NUP205: variants seen among roughly 807,000 people sequenced by gnomAD.
The protein encoded by NUP205 is nucleoporin 205, also known as nuclear pore complex protein Nup205.
In NUP205, 76 loss-of-function variants were observed where a neutral mutation model predicts 253.8. The ratio of observed to expected loss-of-function variants is 0.30; its 90% CI spans 0.25 to 0.36. NUP205 has a LOEUF of 0.36. Ranked by LOEUF, NUP205 falls within the 10% of genes least tolerant of loss-of-function variation. NUP205 has a pLI of 1.00. For missense variants in NUP205, 2,162 were observed against 2,425.5 expected (o/e 0.89, Z 2.28); for synonymous variants, 832 against 850.1 (o/e 0.98, Z 0.37).
At position 135,604,379 on chromosome 7, in the gene NUP205, T is replaced by C. The variant is rs767630664; in HGVS notation, c.2742T>C (p.Phe914=). ...YHGNTNPELA[F]ESAKILCCIS... is the part of the protein sequence containing the mutation. The stretch of plus-strand genomic sequence containing the variant: ...GCAATACTAATCCAGAATTGGCTTT[T>C]GAAAGTGCCAAGATCCTCTGTTGTA... The change falls in exon 19 of 43, where the codon TTT becomes TTC. Residue 914 remains phenylalanine, a synonymous_variant. Transcript: ENST00000285968. The C allele has an allele frequency of 6.2e-6, 10 of 1,613,044 alleles. No individual in the cohort carries two copies. Among genetic ancestry groups the C allele is most frequent in the Non-Finnish European group, 8.5e-7 (1 of 1,179,576 alleles).
intron 3 of NUP205, 91 bp from the exon 4 acceptor site, chr7:135,576,179 C>T (rs991365238): frequency 8.8e-7 from 1 of 1,134,400 alleles, no homozygotes; most frequent in African/African-American, 1.5e-5. Context: ...TACTGTGATT[C>T]TTTGAACTGA....
chr7:135,620,475 C>T (rs1794451738), intron 30 of NUP205, among the ~76,000 whole-genome samples: 3 of 152,118 alleles, frequency 2.0e-5, no homozygotes, highest in Admixed American at 2.0e-4. Flanking sequence ...AGAGGTTTCC[C>T]AGATTGCGCC....
intron 15 of NUP205, among the ~76,000 whole-genome samples, chr7:135,599,563 C>G (rs373769715): frequency 6.6e-6 from 1 of 152,148 alleles, no homozygotes; most frequent in South Asian, 2.1e-4. Flanking sequence ...TCAAAATGTT[C>G]TGATACTTTT....
At chr7:135,596,566 A>G (rs1414071948) in intron 13 of NUP205, among the ~76,000 whole-genome samples, 1 of 152,170 alleles carries the variant, frequency 6.6e-6, no homozygotes, top group Non-Finnish European at 1.5e-5. Context: ...CAGTAGGATT[A>G]TTTATTATAC....
Position 135,629,469 on chromosome 7 carries a change from A to ATCTCTCTC in NUP205, c.4933-841_4933-834dup, listed in dbSNP as rs201403059. Among the ~76,000 whole-genome samples the ATCTCTCTC allele has an allele frequency of 3.1e-3, 374 of 119,756 alleles. 4 individuals are homozygous for ATCTCTCTC. Among genetic ancestry groups the ATCTCTCTC allele is most frequent in the Middle Eastern group, 8.2e-3 (2 of 244 alleles). 78.6% of individuals were successfully genotyped at this position (119,756 alleles called of 152,430 possible). ...AGCCTGGGCAACATAGTGAGACCCT[A>ATCTCTCTC]TCTCTCTCTCTCTCTCTCTCTCTCT... On this transcript the variant is annotated intron_variant, in intron 34 of 42. Transcript: ENST00000285968.
Position 135,604,225 on chromosome 7 carries a change from T to TA in NUP205, c.2703-114dup, listed in dbSNP as rs749177928. ...TAGAAGGGGACAGCTTTTTCTTATT[T>TA]ACCTTGAAGTGCTGTATGGGCAGGG... On this transcript the variant is annotated intron_variant, in intron 18 of 42. Coordinates refer to ENST00000285968, the MANE Select transcript of NUP205 (RefSeq NM_015135.3). 20 of 783,086 alleles carry TA rather than the reference T, an allele frequency of 2.6e-5. 1 individual carries two copies. The highest frequency in any genetic ancestry group is 2.6e-4 in the East Asian group (9 of 35,242). 48.5% of individuals were successfully genotyped at this position (783,086 alleles called of 1,614,324 possible).
intron 8 of NUP205, 35 bp downstream of exon 8, chr7:135,585,042 A>T (rs200323085): frequency 1.7e-6 from 2 of 1,151,924 alleles, no homozygotes; most frequent in Non-Finnish European, 1.2e-6. Context: ...TAAATAGTAG[A>T]AGAATTTTAT....
intron 5 of NUP205, 129 bp from the exon 6 acceptor site, chr7:135,577,667 C>T (rs1314258962): frequency 7.8e-6 from 5 of 643,964 alleles, no homozygotes; most frequent in East Asian, 5.5e-5. Context: ...CCAGAGGTGA[C>T]GTCTTAGGAT....
At chr7:135,624,860 C>A (rs112535648) in intron 31 of NUP205, among the ~76,000 whole-genome samples, 3 of 152,244 alleles carry the variant, frequency 2.0e-5, no homozygotes, top group South Asian at 2.1e-4. Context: ...AAAAAAATTT[C>A]TTTTCTCTAA....
rs1309389830 is a variant in NUP205, at chr7:135,619,554, C to G, written c.4095C>G (p.Ala1365=). The G allele has an allele frequency of 1.2e-6, 2 of 1,614,040 alleles. No homozygotes were observed. Among genetic ancestry groups the G allele is most frequent in the South Asian group, 2.2e-5 (2 of 91,078 alleles). Residue 1365 remains alanine, a synonymous_variant, in exon 29 of 43, where the codon GCC becomes GCG. Coordinates refer to ENST00000285968, the MANE Select transcript of NUP205 (RefSeq NM_015135.3). ...CATCAGTCTTGGGACCAGCAGAGGC[C>G]CATTACGCTTTTATGCTTGATAGTT... ...KETSVLGPAE[A]HYAFMLDSCF...
chr7:135,610,557 C>T (rs1298514163), intron 22 of NUP205, among the ~76,000 whole-genome samples: 2 of 151,270 alleles, frequency 1.3e-5, no homozygotes, highest in Non-Finnish European at 2.9e-5. Context: ...TCAAATATGG[C>T]CCAGGGACCA....
intron 33 of NUP205, among the ~76,000 whole-genome samples, chr7:135,626,716 T>A (rs187130361): frequency 8.5e-5 from 13 of 152,304 alleles, no homozygotes; most frequent in African/African-American, 2.4e-4. Flanking sequence ...ATATATATAT[T>A]TTTTCTGATT....
chr7:135,611,083 G>A (rs1007476236), intron 22 of NUP205, among the ~76,000 whole-genome samples: 1 of 149,956 alleles, frequency 6.7e-6, no homozygotes, highest in Non-Finnish European at 1.5e-5. Context: ...TCGGCTCACT[G>A]CAACCTCCAT....
At chr7:135,571,826 A>G (rs960215774) in intron 2 of NUP205, among the ~76,000 whole-genome samples, 2 of 152,194 alleles carry the variant, frequency 1.3e-5, no homozygotes, top group African/African-American at 4.8e-5. Context: ...TACGTAACAA[A>G]AACATGTCAC....
chr7:135,628,777 C>T (rs1477041657), intron 34 of NUP205, among the ~76,000 whole-genome samples: 1 of 152,156 alleles, frequency 6.6e-6, no homozygotes, highest in African/African-American at 2.4e-5. Context: ...ACTTTGATTT[C>T]TGGTAATTTT....
At position 135,601,418 on chromosome 7, in the gene NUP205, A is replaced by G. The variant is rs1793962651; in HGVS notation, c.2423A>G (p.His808Arg). 1.2e-6 allele frequency: 2 copies of G among 1,613,836 alleles called. No homozygotes were observed. Among genetic ancestry groups the G allele is most frequent in the African/African-American group, 1.3e-5 (1 of 75,048 alleles). ...YKPPGFSLMY[H>R]LLNESPMLEL... ...CCACCTGGATTTAGTCTGATGTATC[A>G]TCTGCTGAATGAGTCACCAATGTTG... The change falls in exon 17 of 43, where the codon CAT becomes CGT. Residue 808 changes from histidine to arginine, a missense_variant. Transcript: ENST00000285968.
rs749638067 is a variant in NUP205, at chr7:135,617,092, C to T, written c.3535C>T (p.Arg1179Cys). Residue 1179 changes from arginine to cysteine, a missense_variant and splice_region_variant, in exon 26 of 43, where the codon CGT becomes TGT. Around this residue, in one of 5 missense-constraint regions of NUP205, gnomAD observed 1,144 missense variants for 1,280.9 expected, o/e 0.89. Coordinates refer to ENST00000285968, the MANE Select transcript of NUP205 (RefSeq NM_015135.3). ...FLHFDTATKV[R>C]RKILNILDSI... The stretch of plus-strand genomic sequence containing the variant: ...AAATTACTTTTTATTATTTCTAGTA[C>T]GTCGAAAAATTCTAAATATTCTTGA... 54 of 1,603,410 alleles carry T rather than the reference C, an allele frequency of 3.4e-5. 1 individual carries two copies. Among genetic ancestry groups the T allele is most frequent in the Admixed American group, 5.2e-5 (3 of 57,996 alleles).
chr7:135,578,390 CTGTGTTTTCTGTGAAGT>C (rs1243720156), intron 6 of NUP205, among the ~76,000 whole-genome samples: 1 of 152,076 alleles, frequency 6.6e-6, no homozygotes, highest in Non-Finnish European at 1.5e-5. Flanking sequence ...AATCTTTGAT[CTGTGTTTTCTGTGAAGT>C]AAATAAAATT....
At chr7:135,566,227 A>G (rs1166212463) in intron 1 of NUP205, among the ~76,000 whole-genome samples, 1 of 151,500 alleles carries the variant, frequency 6.6e-6, no homozygotes, top group Non-Finnish European at 1.5e-5. Context: ...TTGTGCCTCA[A>G]CCCTCCTTGT....
Sources: gnomAD v4.1 joint callset for allele counts (sites outside exome capture counted in the v4.1 genomes callset) on GRCh38, gnomAD v4.1.1 for gene constraint, gnomAD v4.1.1 regional missense constraint, MANE v1.5 for transcripts, NCBI Gene and HGNC (gene_info 2026-07-23, HGNC 2026-07-21) for gene names.